PHACTR4: variants seen among roughly 807,000 people sequenced by gnomAD.
The protein encoded by PHACTR4 is phosphatase and actin regulator 4.
In PHACTR4, 51 loss-of-function variants were observed where a neutral mutation model predicts 72.7. That is an observed-to-expected ratio of 0.70 (90% confidence interval 0.56 to 0.89). PHACTR4 has a LOEUF of 0.89. PHACTR4 is among the 40% of genes least tolerant of loss of function. The pLI is 0.00. For missense variants in PHACTR4, 731 were observed against 861.8 expected, an observed-to-expected ratio of 0.85 and a Z score of 1.90; for synonymous variants, 255 against 302.5, an observed-to-expected ratio of 0.84 and a Z score of 1.63.
intron 2 of PHACTR4, chr1:28,457,421 C>T: frequency 8.5e-6 from 3 of 352,856 alleles, no homozygotes; most frequent in Non-Finnish European, 1.7e-5. Context: ...TTTGGTGAGA[C>T]CCTATCTCTA....
intron 2 of PHACTR4, chr1:28,422,583 G>C (rs1041093464): frequency 3.3e-5 from 5 of 152,150 alleles, no homozygotes; most frequent in African/African-American, 9.7e-5. Context: ...AGCAGTGGGA[G>C]GGGAGAAGGA....
intron 6 of PHACTR4, among the ~76,000 whole-genome samples, chr1:28,471,678 C>T (rs1250673574): frequency 1.3e-5 from 2 of 152,054 alleles, no homozygotes; most frequent in Non-Finnish European, 2.9e-5. Flanking sequence ...TTTGCTGAGT[C>T]ATTGTGGGCT....
chr1:28,464,356 A>C (rs1487727639), intron 4 of PHACTR4, among the ~76,000 whole-genome samples: 1 of 152,152 alleles, frequency 6.6e-6, no homozygotes, highest in African/African-American at 2.4e-5. Flanking sequence ...TCACACCTTT[A>C]TACATGCTGT....
At position 28,496,383 on chromosome 1, in the gene PHACTR4, G is replaced by A. The variant is rs914743882; in HGVS notation, c.2094-151G>A. The A allele has an allele frequency of 3.7e-6, 3 of 802,504 alleles. No homozygotes were observed. In the African/African-American group the frequency reaches 5.1e-5, roughly 14 times the overall value. 49.7% of individuals were successfully genotyped at this position (802,504 alleles called of 1,614,324 possible). A position where few individuals can be genotyped will look rare whatever the true frequency, so the allele number is the denominator to read the frequency against. On this transcript the variant is annotated intron_variant, in intron 13 of 13. Coordinates refer to ENST00000373839, the MANE Select transcript of PHACTR4 (RefSeq NM_001048183.3). ...GAAGAGTTTTAAGAAGGAAGCAGAT[G>A]AGGAGTATCAGATGCAACAGAAAGG...
intron 1 of PHACTR4, among the ~76,000 whole-genome samples, chr1:28,375,914 A>T (rs1651621379): frequency 6.6e-6 from 1 of 152,104 alleles, no homozygotes; most frequent in Non-Finnish European, 1.5e-5. Flanking sequence ...TACTAAAAAT[A>T]CAAAATTAGC....
chr1:28,487,317 G>A (rs2124544478), intron 9 of PHACTR4, among the ~76,000 whole-genome samples: 1 of 151,714 alleles, frequency 6.6e-6, no homozygotes, highest in East Asian at 1.9e-4. Flanking sequence ...AGTGAGCCGA[G>A]ATCAAGCCAC....
chr1:28,454,782 C>A (rs1658250696), intron 2 of PHACTR4, among the ~76,000 whole-genome samples: 1 of 152,082 alleles, frequency 6.6e-6, no homozygotes, highest in South Asian at 2.1e-4. Flanking sequence ...CAACTGTAAG[C>A]TTCTGTTGTT....
rs1052312021 is a variant in PHACTR4 at position 28,497,740 on chromosome 1, C to A, written c.*1191C>A. 6.7e-6 allele frequency: 1 copy of A among 149,268 alleles called. No individual in the cohort carries two copies. The highest frequency in any genetic ancestry group is 1.5e-5 in the Non-Finnish European group (1 of 67,628). The allele number at this position is 149,268 out of a possible 1,614,324, so 9.2% of individuals were successfully genotyped here. A position where few individuals can be genotyped will look rare whatever the true frequency, so the allele number is the denominator to read the frequency against. ...AGATTCAGTGGCTCACGCCTGTAATCCCAACACTTTGGGAGGCTGAGGCGG... is the reference window on the plus strand; with the variant it reads ...AGATTCAGTGGCTCACGCCTGTAATACCAACACTTTGGGAGGCTGAGGCGG... On this transcript the variant is annotated 3_prime_UTR_variant, in exon 14 of 14. Transcript: ENST00000373839.
chr1:28,461,049 A>G (rs1658768281), intron 4 of PHACTR4, among the ~76,000 whole-genome samples: 2 of 152,212 alleles, frequency 1.3e-5, no homozygotes, highest in Non-Finnish European at 2.9e-5. Flanking sequence ...GTGTGACTCT[A>G]TGAAGCAAGT....
At chr1:28,450,969 C>G (rs899049383) in intron 2 of PHACTR4, among the ~76,000 whole-genome samples, 1 of 68,968 alleles carries the variant, frequency 1.4e-5, no homozygotes, top group Non-Finnish European at 3.1e-5. Context: ...TACCACCACA[C>G]CCAGCTTTTT....
intron 2 of PHACTR4, among the ~76,000 whole-genome samples, chr1:28,424,609 C>T (rs1335338329): frequency 2.0e-5 from 3 of 152,166 alleles, no homozygotes. Flanking sequence ...CTGCCTCAGC[C>T]TCCCAAGTAG....
intron 2 of PHACTR4, among the ~76,000 whole-genome samples, chr1:28,443,141 T>C (rs986000197): frequency 1.3e-5 from 2 of 151,882 alleles, no homozygotes; most frequent in African/African-American, 4.8e-5. Context: ...TGAGATCAAC[T>C]TTTTTTTAGC....
intron 1 of PHACTR4, among the ~76,000 whole-genome samples, chr1:28,398,117 T>C (rs1442826423): frequency 1.3e-5 from 2 of 152,208 alleles, no homozygotes; most frequent in Non-Finnish European, 2.9e-5. Context: ...AATTGATACA[T>C]TCGAAGAGTT....
chr1:28,421,818 T>C (rs778471645), intron 2 of PHACTR4, among the ~76,000 whole-genome samples: 14 of 152,246 alleles, frequency 9.2e-5, no homozygotes, highest in Non-Finnish European at 1.9e-4. Context: ...CTTGGCTTAA[T>C]ACTAAAGGTG....
chr1:28,382,824 C>T (rs368938775), intron 1 of PHACTR4, among the ~76,000 whole-genome samples: 53 of 152,004 alleles, frequency 3.5e-4, no homozygotes, highest in African/African-American at 1.1e-3. Flanking sequence ...GACAGAGTCT[C>T]GCTCTGTTGC....
Position 28,451,680 on chromosome 1 carries a change from G to T in PHACTR4, c.17-7405G>T, listed in dbSNP as rs558718018. Among the ~76,000 whole-genome samples the T allele has an allele frequency of 2.4e-4, 36 of 152,170 alleles. No homozygotes were observed. In the South Asian group the frequency reaches 5.4e-3, roughly 23 times the overall value. ...TTTTCTTTGAGACAGGGTCTCACTTGTTGCCCAGGCTGGAGTGCAGTGGCA... is the reference window on the plus strand; with the variant it reads ...TTTTCTTTGAGACAGGGTCTCACTTTTTGCCCAGGCTGGAGTGCAGTGGCA... On this transcript the variant is annotated intron_variant, in intron 2 of 13. Coordinates refer to ENST00000373839, the MANE Select transcript of PHACTR4 (RefSeq NM_001048183.3).
intron 1 of PHACTR4, among the ~76,000 whole-genome samples, chr1:28,394,090 T>C (rs923292903): frequency 2.0e-5 from 3 of 152,072 alleles, no homozygotes; most frequent in African/African-American, 7.2e-5. Flanking sequence ...GGCACTGTTA[T>C]CATAGGAGAT....
chr1:28,438,766 T>C (rs143870023), intron 2 of PHACTR4, among the ~76,000 whole-genome samples: 8 of 152,270 alleles, frequency 5.3e-5, no homozygotes, highest in African/African-American at 1.2e-4. Context: ...CAGAAACTTA[T>C]TTAGAATTCA....
chr1:28,372,303 G>T (rs1438311908), intron 1 of PHACTR4, among the ~76,000 whole-genome samples: 2 of 152,100 alleles, frequency 1.3e-5, no homozygotes, highest in African/African-American at 4.8e-5. Context: ...ATCAGGGAAG[G>T]TTACTGAAGT....
Sources: allele counts gnomAD v4.1 joint callset (sites outside exome capture counted in the v4.1 genomes callset), GRCh38; gene constraint gnomAD v4.1.1; transcripts MANE v1.5; gene names NCBI Gene and HGNC (gene_info 2026-07-23, HGNC 2026-07-21).